The following HIBADH variants were observed in gnomAD, a reference collection of about 807,000 sequenced individuals.
HIBADH encodes 3-hydroxyisobutyrate dehydrogenase, mitochondrial.
Under a neutral mutation model 36.1 loss-of-function variants are expected in HIBADH, and 25 were observed. The ratio of observed to expected loss-of-function variants is 0.69; its 90% CI spans 0.50 to 0.97. The LOEUF is 0.97. Among genes scored for constraint, HIBADH ranks in the 50% least tolerant of loss-of-function variants. The pLI is 0.00. For synonymous variants in HIBADH, 160 were observed against 149.5 expected, an observed-to-expected ratio of 1.07 and a Z score of -0.51; for missense variants, 421 against 418.0, an observed-to-expected ratio of 1.01 and a Z score of -0.06.
chr7:27,621,380 C>T (rs1562647685), intron 4 of HIBADH, among the ~76,000 whole-genome samples: 1 of 152,200 alleles, frequency 6.6e-6, no homozygotes, highest in South Asian at 2.1e-4. Flanking sequence ...ACCTAACAGA[C>T]ATTTACAGCA....
chr7:27,597,130 A>G (rs1460851389), intron 4 of HIBADH, among the ~76,000 whole-genome samples: 3 of 152,124 alleles, frequency 2.0e-5, no homozygotes, highest in African/African-American at 4.8e-5. Flanking sequence ...ACATAGAGAA[A>G]GATTTTAAAA....
At chr7:27,572,343 AATATACCTAGTCTACC>A (rs1784642591) in intron 4 of HIBADH, among the ~76,000 whole-genome samples, 1 of 152,226 alleles carries the variant, frequency 6.6e-6, no homozygotes, top group Non-Finnish European at 1.5e-5. Context: ...AGGGTATTTT[AATATACCTAGTCTACC>A]ATATTGCCAG....
intron 4 of HIBADH, among the ~76,000 whole-genome samples, chr7:27,590,391 T>C (rs1277872387): frequency 3.3e-5 from 5 of 152,248 alleles, no homozygotes; most frequent in Non-Finnish European, 7.3e-5. Context: ...TTAATTGTTC[T>C]GCTGCCCATC....
chr7:27,573,772 T>TTAAG (rs1196428988), intron 4 of HIBADH, among the ~76,000 whole-genome samples: 2 of 152,184 alleles, frequency 1.3e-5, no homozygotes, highest in Admixed American at 6.6e-5. Flanking sequence ...CAGATGTGCT[T>TTAAG]TAAGTGTAAA....
At chr7:27,564,622 T>C (rs1346618449) in intron 4 of HIBADH, among the ~76,000 whole-genome samples, 2 of 152,232 alleles carry the variant, frequency 1.3e-5, no homozygotes, top group African/African-American at 4.8e-5. Flanking sequence ...ACATTCAAAA[T>C]TGCTTTGGTT....
At chr7:27,635,086 A>ATATGTGTG (rs112396501) in intron 2 of HIBADH, among the ~76,000 whole-genome samples, 7 of 149,660 alleles carry the variant, frequency 4.7e-5, no homozygotes, top group Non-Finnish European at 5.9e-5. Flanking sequence ...CTCTCTGTGC[A>ATATGTGTG]TGTGTGTGTG....
chr7:27,610,215 A>G (rs1785301018), intron 4 of HIBADH, among the ~76,000 whole-genome samples: 1 of 152,202 alleles, frequency 6.6e-6, no homozygotes, highest in Non-Finnish European at 1.5e-5. Flanking sequence ...AATCATTTTT[A>G]AAAATTTTCT....
intron 7 of HIBADH, among the ~76,000 whole-genome samples, chr7:27,530,802 G>A (rs1783985349): frequency 6.6e-6 from 1 of 152,140 alleles, no homozygotes; most frequent in Non-Finnish European, 1.5e-5. Flanking sequence ...TCTTCGTGAT[G>A]CATATATGCA....
chr7:27,541,703 T>C (rs1490791081), intron 5 of HIBADH: 1 of 418,478 alleles, frequency 2.4e-6, no homozygotes, highest in Non-Finnish European at 4.7e-6. Context: ...CCAGCATCAC[T>C]AGTGGCACTT....
chr7:27,530,657 T>C lies in HIBADH; in HGVS notation c.852+535A>G, dbSNP rs182739149. Among the ~76,000 whole-genome samples, 214 of 152,302 alleles carry C rather than the reference T, an allele frequency of 1.4e-3. 1 individual carries two copies. Among genetic ancestry groups the C allele is most frequent in the African/African-American group, 4.9e-3 (205 of 41,572 alleles). On this transcript the variant is annotated intron_variant, in intron 7 of 7. Coordinates refer to ENST00000265395, the MANE Select transcript of HIBADH (RefSeq NM_152740.4). Reference sequence around the variant, plus strand: ...AGTTGAGAACATAGACTTTCTAAAGTTGAGATCTCAAATAAGAGAAGGATG... The same window carrying C: ...AGTTGAGAACATAGACTTTCTAAAGCTGAGATCTCAAATAAGAGAAGGATG...
chr7:27,544,633 T>C (rs966092393), intron 4 of HIBADH, among the ~76,000 whole-genome samples: 2 of 152,220 alleles, frequency 1.3e-5, no homozygotes, highest in African/African-American at 2.4e-5. Flanking sequence ...TTAAACCATA[T>C]AACCACCATT....
At chr7:27,587,578 T>C (rs1784883646) in intron 4 of HIBADH, among the ~76,000 whole-genome samples, 1 of 152,108 alleles carries the variant, frequency 6.6e-6, no homozygotes, top group Non-Finnish European at 1.5e-5. Flanking sequence ...TTGTCTACAT[T>C]CTCCCCTCCC....
chr7:27,568,833 G>C (rs1288801112), intron 4 of HIBADH, among the ~76,000 whole-genome samples: 1 of 150,794 alleles, frequency 6.6e-6, no homozygotes, highest in Non-Finnish European at 1.5e-5. Context: ...TTTCTTTATT[G>C]TATTTGGGGC....
chr7:27,582,446 C>A (rs1287193533), intron 4 of HIBADH, among the ~76,000 whole-genome samples: 2 of 152,006 alleles, frequency 1.3e-5, no homozygotes, highest in African/African-American at 4.8e-5. Flanking sequence ...CACATGACTC[C>A]AAGAGTTTCA....
At chr7:27,562,901 C>T (rs1033858029) in intron 4 of HIBADH, among the ~76,000 whole-genome samples, 1 of 152,120 alleles carries the variant, frequency 6.6e-6, no homozygotes, top group East Asian at 1.9e-4. Context: ...GTTTAATCAT[C>T]ATTCCTTTTT....
chr7:27,566,458 A>G (rs922847503), intron 4 of HIBADH, among the ~76,000 whole-genome samples: 2 of 150,782 alleles, frequency 1.3e-5, no homozygotes, highest in African/African-American at 5.0e-5. Flanking sequence ...GACACTGGTA[A>G]TTTGTGTCTT....
chr7:27,526,514 AT>A, intron 7 of HIBADH, 142 bp from the exon 8 acceptor site: 1 of 567,806 alleles, frequency 1.8e-6, no homozygotes, highest in Non-Finnish European at 2.7e-6. Context: ...GTAAGTTAAC[AT>A]TTTTAAATAA....
intron 2 of HIBADH, among the ~76,000 whole-genome samples, chr7:27,641,124 T>C (rs961135012): frequency 6.6e-6 from 1 of 152,226 alleles, no homozygotes; most frequent in African/African-American, 2.4e-5. Context: ...GCTGTATCTA[T>C]GTCACTAAAT....
At chr7:27,542,331 T>C (rs892472483) in intron 5 of HIBADH, among the ~76,000 whole-genome samples, 5 of 150,932 alleles carry the variant, frequency 3.3e-5, no homozygotes, top group Middle Eastern at 3.2e-3. Flanking sequence ...TGGAGGAAAA[T>C]AGCAACTCAG....
Sources: allele counts gnomAD v4.1 joint callset (sites outside exome capture counted in the v4.1 genomes callset), GRCh38; gene constraint gnomAD v4.1.1; transcripts MANE v1.5; gene names NCBI Gene and HGNC (gene_info 2026-07-23, HGNC 2026-07-21).